Variants in CSNK1E observed in about 807,000 individuals in gnomAD.
CSNK1E encodes casein kinase 1 epsilon, also known as casein kinase I isoform epsilon.
A neutral mutation model predicts 46.1 loss-of-function variants in CSNK1E; 17 were observed. The observed-to-expected ratio is 0.37, with a 90% CI of 0.25 to 0.55. The LOEUF (loss-of-function observed/expected upper bound fraction) is 0.55. CSNK1E is among the 20% of genes least tolerant of loss of function. CSNK1E has a pLI of 0.82. For missense variants in CSNK1E, 386 were observed against 595.4 expected, an observed-to-expected ratio of 0.65 and a Z score of 3.66; for synonymous variants, 241 against 242.6, an observed-to-expected ratio of 0.99 and a Z score of 0.06.
In CSNK1E at chr22:38,298,211, A is replaced by T; in HGVS notation, c.885+575T>A. 1 of 1,303,510 alleles carries T rather than the reference A, an allele frequency of 7.7e-7. No individual in the cohort carries two copies. Among genetic ancestry groups the T allele is most frequent in the Non-Finnish European group, 1.0e-6 (1 of 988,712 alleles). 80.7% of individuals were successfully genotyped at this position (1,303,510 alleles called of 1,614,324 possible). A position where few individuals can be genotyped will look rare whatever the true frequency, so the allele number is the denominator to read the frequency against. The stretch of plus-strand genomic sequence containing the variant: ...CTGGCTCGAGGAAGCCCCCTTTTCC[A>T]GAAGAGATGTGAAACAAGACATACA... On this transcript the variant is annotated intron_variant, in intron 7 of 10. Transcript: ENST00000396832. This position sits in a 1 kb window ranked among gnomAD's most constrained non-coding sequence, Gnocchi z 4.2.
In CSNK1E at chr22:38,294,295, C is replaced by G. The variant is rs200056487; in HGVS notation, c.1078+47G>C. ...ACCCTCAGAGTAGGCACAAACAGAGCCCCCCACCCACCCTGAACCCAGCCC... is the reference window on the plus strand; with the variant it reads ...ACCCTCAGAGTAGGCACAAACAGAGGCCCCCACCCACCCTGAACCCAGCCC... On this transcript the variant is annotated intron_variant, in intron 8 of 10. Coordinates refer to ENST00000396832, the MANE Select transcript of CSNK1E (RefSeq NM_152221.3). The surrounding 1 kb of genome is among the most constrained non-coding windows in gnomAD (Gnocchi z 5.5). 6.3e-7 allele frequency: 1 copy of G among 1,598,580 alleles called. No individual in the cohort carries two copies. The highest frequency in any genetic ancestry group is 1.7e-5 in the Admixed American group (1 of 59,384).
intron 7 of CSNK1E, chr22:38,296,294 C>A (rs2092640034): frequency 7.7e-7 from 1 of 1,305,820 alleles, no homozygotes; most frequent in South Asian, 2.0e-5. Flanking sequence ...GGACCTCTGT[C>A]CTTGGCTGTG....
Position 38,298,217 on chromosome 22 carries a change from G to A in CSNK1E, c.885+569C>T, listed in dbSNP as rs2092651179. The A allele has an allele frequency of 1.5e-6, 2 of 1,302,950 alleles. No individual in the cohort carries two copies. Among genetic ancestry groups the A allele is most frequent in the South Asian group, 1.2e-5 (1 of 80,988 alleles). The allele number at this position is 1,302,950 out of a possible 1,614,324, so 80.7% of individuals were successfully genotyped here. A position where few individuals can be genotyped will look rare whatever the true frequency, so the allele number is the denominator to read the frequency against. On this transcript the variant is annotated intron_variant, in intron 7 of 10. Coordinates refer to ENST00000396832, the MANE Select transcript of CSNK1E (RefSeq NM_152221.3). The surrounding 1 kb of genome is among the most constrained non-coding windows in gnomAD (Gnocchi z 4.2). ...CGAGGAAGCCCCCTTTTCCAGAAGA[G>A]ATGTGAAACAAGACATACAATTTCA...
intron 2 of CSNK1E, among the ~76,000 whole-genome samples, chr22:38,306,564 C>T (rs544365409): frequency 6.6e-6 from 1 of 152,240 alleles, no homozygotes; most frequent in East Asian, 1.9e-4. Context: ...AACCCCATCT[C>T]CATTAAAAGT....
rs547619428 is a variant in CSNK1E, at chr22:38,291,148, G to A, written c.*823C>T. ...TGCCCTAAAACCAGGAATGGAAGAT[G>A]GAGCTGCCACCGGCTGATGACGGGC... On this transcript the variant is annotated 3_prime_UTR_variant, in exon 11 of 11. Coordinates refer to ENST00000396832, the MANE Select transcript of CSNK1E (RefSeq NM_152221.3). The A allele has an allele frequency of 6.6e-6, 1 of 152,356 alleles. No individual in the cohort carries two copies. The highest frequency in any genetic ancestry group is 2.4e-5 in the African/African-American group (1 of 41,584). 9.4% of individuals were successfully genotyped at this position (152,356 alleles called of 1,614,324 possible).
chr22:38,308,589 G>A (rs531615187), intron 2 of CSNK1E, among the ~76,000 whole-genome samples: 1 of 152,262 alleles, frequency 6.6e-6, no homozygotes, highest in Non-Finnish European at 1.5e-5. Context: ...GGGATGTTCT[G>A]ACAGACAAAC....
rs767395967 is a variant in CSNK1E at position 38,298,401 on chromosome 22, G to A, written c.885+385C>T. ...ACCATGACTGGGTCCAGGCTGGCCC[G>A]AGGGGCCATGGTGCAGGTAGCCACC... On this transcript the variant is annotated intron_variant, in intron 7 of 10. Transcript: ENST00000396832. The surrounding 1 kb of genome is among the most constrained non-coding windows in gnomAD (Gnocchi z 4.2). Among the ~76,000 whole-genome samples, 3 of 151,310 alleles carry A rather than the reference G, an allele frequency of 2.0e-5. No individual in the cohort carries two copies. Among genetic ancestry groups the A allele is most frequent in the Non-Finnish European group, 2.9e-5 (2 of 67,846 alleles).
chr22:38,306,750 T>A (rs568930342), intron 2 of CSNK1E, among the ~76,000 whole-genome samples: 7 of 118,874 alleles, frequency 5.9e-5, no homozygotes, highest in South Asian at 2.7e-4. Flanking sequence ...AAAAAAAAAT[T>A]AAAAATTAGA....
At chr22:38,317,594 G>A (rs1474999739), upstream of CSNK1E, among the ~76,000 whole-genome samples, 2 of 152,036 alleles carry the variant, frequency 1.3e-5, no homozygotes, top group Admixed American at 6.5e-5. Flanking sequence ...GCAGGCGCGC[G>A]GGCTTACGCG....
chr22:38,298,649 G>A lies in CSNK1E; in HGVS notation c.885+137C>T. ...GAGGCTGGAGGGCTCTGGGACCCCA[G>A]TGAGGTCAACCACACTGTCCAGCTC... On this transcript the variant is annotated intron_variant, in intron 7 of 10. Coordinates refer to ENST00000396832, the MANE Select transcript of CSNK1E (RefSeq NM_152221.3). The surrounding 1 kb of genome is among the most constrained non-coding windows in gnomAD (Gnocchi z 4.2). 1 of 997,262 alleles carries A rather than the reference G, an allele frequency of 1.0e-6. No individual in the cohort carries two copies. The highest frequency in any genetic ancestry group is 1.5e-6 in the Non-Finnish European group (1 of 663,408). 61.8% of individuals were successfully genotyped at this position (997,262 alleles called of 1,614,324 possible). A position where few individuals can be genotyped will look rare whatever the true frequency, so the allele number is the denominator to read the frequency against.
intron 1 of CSNK1E, 89 bp downstream of exon 1, chr22:38,317,071 C>T (rs953218315): frequency 1.1e-4 from 16 of 152,054 alleles, no homozygotes; most frequent in African/African-American, 3.9e-4. Context: ...TCCCTTCCCT[C>T]CCTCTCCAGC....
intron 7 of CSNK1E, chr22:38,297,119 C>T (rs1288473188): frequency 3.9e-6 from 3 of 778,780 alleles, no homozygotes; most frequent in Non-Finnish European, 7.2e-6. Flanking sequence ...AAATGTGTCG[C>T]ATGTGGCCAA....
chr22:38,302,751 A>G lies in CSNK1E; in HGVS notation c.336+110T>C, dbSNP rs568349697. The G allele has an allele frequency of 5.2e-5, 66 of 1,260,116 alleles. 1 individual carries two copies. The South Asian group carries it at 8.3e-4, about 16-fold the overall frequency. The allele number at this position is 1,260,116 out of a possible 1,614,324, so 78.1% of individuals were successfully genotyped here. A position where few individuals can be genotyped will look rare whatever the true frequency, so the allele number is the denominator to read the frequency against. ...ACCTACAATTCTATAGCCAGTGGAC[A>G]AGGTCCCCTGGCCCAGGCCCATCCT... is the stretch of plus-strand genomic sequence containing the variant. On this transcript the variant is annotated intron_variant, in intron 4 of 10. Coordinates refer to ENST00000396832, the MANE Select transcript of CSNK1E (RefSeq NM_152221.3).
chr22:38,305,249 AG>A (rs1411250619), intron 2 of CSNK1E, among the ~76,000 whole-genome samples: 3 of 152,096 alleles, frequency 2.0e-5, no homozygotes, highest in Non-Finnish European at 2.9e-5. Flanking sequence ...ATTAAATGTC[AG>A]ACGGTGGTTC....
chr22:38,295,476 T>A, intron 7 of CSNK1E: 1 of 785,108 alleles, frequency 1.3e-6, no homozygotes, highest in Non-Finnish European at 1.5e-6. Flanking sequence ...TGGGCTGAGT[T>A]GGGGGCCTGC....
In CSNK1E at chr22:38,291,032, GGA is replaced by G. The variant is rs1484698421; in HGVS notation, c.*937_*938del. On this transcript the variant is annotated 3_prime_UTR_variant, in exon 11 of 11. Transcript: ENST00000396832. ...CTCCTCCTCAGAAAGGTGGAACCAGGGAGAGGGGGGACCCCAGGTGACTGTCA... is the reference window on the plus strand; with the variant it reads ...CTCCTCCTCAGAAAGGTGGAACCAGGGAGGGGGGACCCCAGGTGACTGTCA... 3 of 152,322 alleles carry G rather than the reference GGA, an allele frequency of 2.0e-5. No individual in the cohort carries two copies. Among genetic ancestry groups the G allele is most frequent in the Non-Finnish European group, 4.4e-5 (3 of 68,056 alleles). 9.4% of individuals were successfully genotyped at this position (152,322 alleles called of 1,614,324 possible). A position where few individuals can be genotyped will look rare whatever the true frequency, so the allele number is the denominator to read the frequency against.
At position 38,293,331 on chromosome 22, in the gene CSNK1E, GGGGA is replaced by G. The variant is rs779707543; in HGVS notation, c.1219-16_1219-13del. ...AATGGCACACTTGTCTTTTGAGGGT[GGGGA>G]GGGAGAGAGGGGGAGGGAGAGAGAG... On this transcript the variant is annotated splice_polypyrimidine_tract_variant and intron_variant, in intron 9 of 10. Coordinates refer to ENST00000396832, the MANE Select transcript of CSNK1E (RefSeq NM_152221.3). 6.9e-6 allele frequency: 11 copies of G among 1,594,756 alleles called. No homozygotes were observed. Among genetic ancestry groups the G allele is most frequent in the African/African-American group, 2.7e-5 (2 of 74,286 alleles).
intron 2 of CSNK1E, 127 bp downstream of exon 2, chr22:38,313,955 T>C (rs1602564634): frequency 1.2e-6 from 1 of 831,432 alleles, no homozygotes; most frequent in South Asian, 1.6e-5. Flanking sequence ...CCATCTGGGA[T>C]GGCCCTGGGG....
In CSNK1E at chr22:38,294,715, A is replaced by G. The variant is rs2092630819; in HGVS notation, c.886-181T>C. Reference sequence around the variant, plus strand: ...ACAATCACACAGCACAGAGACACGAAGCCACACAACCACCAGAGGAAGGAG... The same window carrying G: ...ACAATCACACAGCACAGAGACACGAGGCCACACAACCACCAGAGGAAGGAG... On this transcript the variant is annotated intron_variant, in intron 7 of 10. Transcript: ENST00000396832. The surrounding 1 kb of genome is among the most constrained non-coding windows in gnomAD (Gnocchi z 5.5). Among the ~76,000 whole-genome samples the G allele has an allele frequency of 6.6e-6, 1 of 152,184 alleles. No individual in the cohort carries two copies.
Sources: gnomAD v4.1 joint callset for allele counts (sites outside exome capture counted in the v4.1 genomes callset) on GRCh38, gnomAD v4.1.1 for gene constraint, Gnocchi (gnomAD v3.1) non-coding constraint, MANE v1.5 for transcripts, NCBI Gene and HGNC (gene_info 2026-07-23, HGNC 2026-07-21) for gene names.